NUDCD1: variants seen among roughly 807,000 people sequenced by gnomAD.
The protein encoded by NUDCD1 is NudC domain containing 1.
NUDCD1 carries 60 observed loss-of-function variants against 67.8 expected under a neutral mutation model. The observed-to-expected ratio is 0.88, with a 90% CI of 0.72 to 1.10. NUDCD1 has a LOEUF of 1.10. Among genes scored for constraint, NUDCD1 ranks in the 50% least tolerant of loss-of-function variants. The probability of loss-of-function intolerance (pLI) is 0.00; values close to 1 mark genes in which losing one functional copy is unlikely to be tolerated. For missense variants in NUDCD1, 643 were observed against 695.0 expected, an observed-to-expected ratio of 0.93 and a Z score of 0.84; for synonymous variants, 244 against 230.8, an observed-to-expected ratio of 1.06 and a Z score of -0.52.
At chr8:109,308,463 G>A (rs1192712278) in intron 2 of NUDCD1, among the ~76,000 whole-genome samples, 1 of 151,754 alleles carries the variant, frequency 6.6e-6, no homozygotes, top group African/African-American at 2.4e-5. Context: ...GCAGAAGAAA[G>A]AAAATAACCA....
At position 109,242,803 on chromosome 8, in the gene NUDCD1, G is replaced by A; in HGVS notation, c.*206C>T. ...TCTTCACTCTTTTTTTTTTTCAGAA[G>A]CCAATGTTCTCTAAATCTGCAGCTT... On this transcript the variant is annotated 3_prime_UTR_variant, in exon 10 of 10. Transcript: ENST00000239690. The A allele has an allele frequency of 9.3e-6, 3 of 321,454 alleles. No homozygotes were observed. The highest frequency in any genetic ancestry group is 4.9e-5 in the East Asian group (1 of 20,596). The allele number at this position is 321,454 out of a possible 1,614,324, so 19.9% of individuals were successfully genotyped here. A position where few individuals can be genotyped will look rare whatever the true frequency, so the allele number is the denominator to read the frequency against.
At chr8:109,254,858 G>C (rs566641608) in intron 8 of NUDCD1, among the ~76,000 whole-genome samples, 2 of 152,274 alleles carry the variant, frequency 1.3e-5, no homozygotes, top group South Asian at 4.1e-4. Flanking sequence ...TGGGATGCCA[G>C]ATTGAAACTT....
intron 5 of NUDCD1, among the ~76,000 whole-genome samples, chr8:109,283,232 G>C (rs1245991260): frequency 6.6e-6 from 1 of 152,102 alleles, no homozygotes; most frequent in South Asian, 2.1e-4. Context: ...AACTAGTCCA[G>C]CTAGACAAAA....
At chr8:109,316,426 A>T (rs1452535982) in intron 2 of NUDCD1, 1 of 152,232 alleles carries the variant, frequency 6.6e-6, no homozygotes, top group African/African-American at 2.4e-5. Context: ...CTTTTACTAC[A>T]ACAGTTCAGG....
At chr8:109,253,128 T>C (rs1287933464) in intron 8 of NUDCD1, among the ~76,000 whole-genome samples, 2 of 152,198 alleles carry the variant, frequency 1.3e-5, no homozygotes, top group Admixed American at 1.3e-4. Flanking sequence ...AAAATGGTTA[T>C]GATGAAGTGT....
chr8:109,297,596 T>C (rs187350595), intron 2 of NUDCD1, among the ~76,000 whole-genome samples: 1 of 152,304 alleles, frequency 6.6e-6, no homozygotes, highest in Admixed American at 6.5e-5. Context: ...GTTCAAGGCA[T>C]CATCTTAGAA....
chr8:109,317,367 C>T (rs576845607), intron 2 of NUDCD1, among the ~76,000 whole-genome samples: 3 of 152,004 alleles, frequency 2.0e-5, no homozygotes, highest in Admixed American at 6.6e-5. Flanking sequence ...ACATAATATC[C>T]GTCTCTATTA....
At chr8:109,260,654 G>C (rs1813845110) in intron 8 of NUDCD1, among the ~76,000 whole-genome samples, 1 of 152,152 alleles carries the variant, frequency 6.6e-6, no homozygotes, top group Admixed American at 6.5e-5. Flanking sequence ...CATTAAGATG[G>C]AAATAGTATT....
intron 6 of NUDCD1, among the ~76,000 whole-genome samples, chr8:109,277,803 T>C (rs1357042019): frequency 2.0e-5 from 3 of 152,198 alleles, no homozygotes; most frequent in South Asian, 2.1e-4. Flanking sequence ...TATGTTCTAG[T>C]TGGCTTGCCA....
At chr8:109,261,989 G>C (rs1670680581) in intron 8 of NUDCD1, among the ~76,000 whole-genome samples, 1 of 151,940 alleles carries the variant, frequency 6.6e-6, no homozygotes, top group Non-Finnish European at 1.5e-5. Flanking sequence ...TGCATTACAT[G>C]GTGTTATGAA....
In NUDCD1 at chr8:109,272,107, C is replaced by A. The variant is rs1586267080; in HGVS notation, c.1174-977G>T. The stretch of plus-strand genomic sequence containing the variant: ...AAATGTCAATCAACACAAAGGAATG[C>A]AGAATAGAGGAAAAGGCAAATATAA... On this transcript the variant is annotated intron_variant, in intron 7 of 9. Transcript: ENST00000239690. 2.6e-5 allele frequency among the ~76,000 whole-genome samples: 4 copies of A among 151,834 alleles called. No individual in the cohort carries two copies. In the Middle Eastern group the frequency reaches 0.01, roughly 387 times the overall value.
intron 2 of NUDCD1, among the ~76,000 whole-genome samples, chr8:109,306,402 G>A (rs145513642): frequency 3.2e-4 from 48 of 151,986 alleles, no homozygotes; most frequent in Non-Finnish European, 5.7e-4. Flanking sequence ...TCTCCTAGCC[G>A]TTTCTAATCC....
intron 2 of NUDCD1, among the ~76,000 whole-genome samples, chr8:109,310,142 A>G (rs1451691340): frequency 1.3e-5 from 2 of 152,170 alleles, no homozygotes; most frequent in African/African-American, 4.8e-5. Context: ...TGTAACCAAA[A>G]AACAGCCCGC....
At chr8:109,322,909 C>T (rs1311180309) in intron 1 of NUDCD1, among the ~76,000 whole-genome samples, 1 of 152,110 alleles carries the variant, frequency 6.6e-6, no homozygotes, top group Non-Finnish European at 1.5e-5. Flanking sequence ...CTTTTAAAAT[C>T]TCATTATACA....
intron 5 of NUDCD1, among the ~76,000 whole-genome samples, chr8:109,283,167 A>C (rs1318907302): frequency 6.6e-6 from 1 of 152,244 alleles, no homozygotes; most frequent in African/African-American, 2.4e-5. Flanking sequence ...AAGCTTTATC[A>C]ACAGACTGAA....
At chr8:109,320,535 T>C (rs2130127850) in intron 2 of NUDCD1, among the ~76,000 whole-genome samples, 3 of 152,348 alleles carry the variant, frequency 2.0e-5, no homozygotes, top group Middle Eastern at 6.8e-3. Context: ...ACATTTCATA[T>C]TGCTCAAACA....
chr8:109,271,935 A>G (rs1814166838), intron 7 of NUDCD1, among the ~76,000 whole-genome samples: 1 of 152,144 alleles, frequency 6.6e-6, no homozygotes, highest in Non-Finnish European at 1.5e-5. Context: ...ACACCAAATT[A>G]TATACATAAC....
At chr8:109,301,585 G>A (rs745649469) in intron 2 of NUDCD1, among the ~76,000 whole-genome samples, 16 of 152,196 alleles carry the variant, frequency 1.1e-4, no homozygotes, top group Non-Finnish European at 1.8e-4. Context: ...ATCCACCTAC[G>A]ACCTCGGGTC....
chr8:109,258,568 C>T (rs972339447), intron 8 of NUDCD1, among the ~76,000 whole-genome samples: 1 of 151,970 alleles, frequency 6.6e-6, no homozygotes, highest in Non-Finnish European at 1.5e-5. Flanking sequence ...TTTATGATAG[C>T]TGCTAAAAAT....
Sources: gnomAD v4.1 joint callset for allele counts (sites outside exome capture counted in the v4.1 genomes callset) on GRCh38, gnomAD v4.1.1 for gene constraint, MANE v1.5 for transcripts, NCBI Gene and HGNC (gene_info 2026-07-23, HGNC 2026-07-21) for gene names.